RASGRF1: variants seen among roughly 807,000 people sequenced by gnomAD.
The protein encoded by RASGRF1 is ras-specific guanine nucleotide-releasing factor 1.
RASGRF1 carries 40 observed loss-of-function variants against 138.7 expected under a neutral mutation model. The observed-to-expected ratio is 0.29, with a 90% CI of 0.22 to 0.38. RASGRF1 has a LOEUF of 0.38. Among genes scored for constraint, RASGRF1 ranks in the 10% least tolerant of loss-of-function variants. The pLI is 1.00. For missense variants in RASGRF1, 1,108 were observed against 1,650.4 expected, an observed-to-expected ratio of 0.67 and a Z score of 5.69; for synonymous variants, 614 against 663.2, an observed-to-expected ratio of 0.93 and a Z score of 1.14.
At chr15:78,999,173 C>T (rs1244162406) in intron 17 of RASGRF1, among the ~76,000 whole-genome samples, 4 of 152,102 alleles carry the variant, frequency 2.6e-5, no homozygotes, top group Non-Finnish European at 5.9e-5. Flanking sequence ...ATCAAGGATG[C>T]AGAAGTGGGA....
At chr15:79,071,647 GT>G (rs2057757627) in intron 1 of RASGRF1, among the ~76,000 whole-genome samples, 1 of 151,924 alleles carries the variant, frequency 6.6e-6, no homozygotes, top group Non-Finnish European at 1.5e-5. Context: ...TGGGATCATA[GT>G]TGTGAGCCAC....
intron 1 of RASGRF1, among the ~76,000 whole-genome samples, chr15:79,078,291 G>A (rs1164666216): frequency 1.3e-5 from 2 of 151,780 alleles, no homozygotes; most frequent in Non-Finnish European, 2.9e-5. Flanking sequence ...CTCCTTCCCA[G>A]GGGAAGTCAC....
chr15:79,046,818 G>A lies in RASGRF1; in HGVS notation c.806C>T (p.Pro269Leu), dbSNP rs373813210. Residue 269 changes from proline (P) to leucine (L), a missense_variant, in exon 5 of 27, where the codon CCG becomes CTG. Around this residue, in one of 3 missense-constraint regions of RASGRF1, gnomAD observed 169 missense variants for 344.2 expected, o/e 0.49. Transcript: ENST00000558480. The surrounding 1 kb of genome is among the most constrained non-coding windows in gnomAD (Gnocchi z 5.3). ...LHILVNNFLRPLRMAASSKKP... is the reference protein window; with the variant it reads ...LHILVNNFLRLLRMAASSKKP... ...CTTGGAGCTGGCGGCCATCCGCAGC[G>A]GGCGCAGGAAATTGTTGACAAGGAT... 9 of 1,614,142 alleles carry A rather than the reference G, an allele frequency of 5.6e-6. No individual in the cohort carries two copies. The highest frequency in any genetic ancestry group is 1.1e-5 in the South Asian group (1 of 91,092).
rs371434850 is a variant in RASGRF1, at chr15:79,041,394, C to G, written c.878+5352G>C. Among the ~76,000 whole-genome samples, 24 of 152,332 alleles carry G rather than the reference C, an allele frequency of 1.6e-4. No homozygotes were observed. In the South Asian group the frequency reaches 1.9e-3, roughly 12 times the overall value. The stretch of plus-strand genomic sequence containing the variant: ...TGTAATCTATGGCCTTGTCCCCATT[C>G]ATATTGAACAGTTAATATAGTGAGA... On this transcript the variant is annotated intron_variant, in intron 5 of 26. Coordinates refer to ENST00000558480, the MANE Select transcript of RASGRF1 (RefSeq NM_001145648.3).
chr15:78,985,406 A>G, intron 22 of RASGRF1: 1 of 526,124 alleles, frequency 1.9e-6, no homozygotes, highest in Non-Finnish European at 3.3e-6. Context: ...TACATTAGCA[A>G]TAATCAATTA....
intron 22 of RASGRF1, among the ~76,000 whole-genome samples, chr15:78,988,039 A>G (rs746115588): frequency 2.6e-5 from 4 of 152,242 alleles, no homozygotes; most frequent in Admixed American, 1.3e-4. Context: ...GCCAGCACAC[A>G]TCCTGTGTAT....
intron 21 of RASGRF1, 129 bp from the exon 22 acceptor site, chr15:78,990,402 G>C: frequency 1.5e-6 from 1 of 660,924 alleles, no homozygotes; most frequent in Non-Finnish European, 2.6e-6. Flanking sequence ...ACCTTCTGCA[G>C]AGCCCTGGAA....
At chr15:79,041,195 A>G (rs922081226) in intron 5 of RASGRF1, among the ~76,000 whole-genome samples, 25 of 152,252 alleles carry the variant, frequency 1.6e-4, no homozygotes, top group African/African-American at 6.0e-4. Context: ...TTATTGTAAT[A>G]TAGCCACACT....
intron 1 of RASGRF1, 135 bp downstream of exon 1, chr15:79,090,088 C>T: frequency 7.8e-7 from 1 of 1,274,314 alleles, no homozygotes; most frequent in South Asian, 1.6e-5. Context: ...TCCCCTCTCG[C>T]TGAGGGTGCA....
chr15:78,980,743 T>TGTGTTA, intron 23 of RASGRF1, 44 bp from the exon 24 acceptor site: 2 of 1,465,244 alleles, frequency 1.4e-6, no homozygotes, highest in Non-Finnish European at 1.9e-6. Flanking sequence ...GCACACGCTG[T>TGTGTTA]GATCCCCGAG....
chr15:78,995,892 C>A (rs962957185), intron 19 of RASGRF1, 92 bp from the exon 20 acceptor site: 10 of 1,238,148 alleles, frequency 8.1e-6, no homozygotes, highest in African/African-American at 3.0e-5. Context: ...TCTGCTCTTA[C>A]GCCCCTCTGT....
rs2057350201 is a variant in RASGRF1, at chr15:79,046,022, T to C, written c.878+724A>G. 6.6e-6 allele frequency among the ~76,000 whole-genome samples: 1 copy of C among 152,204 alleles called. No homozygotes were observed. The highest frequency in any genetic ancestry group is 6.5e-5 in the Admixed American group (1 of 15,288). ...ACAATTTTATCACCAACCAGAAAGC[T>C]CATTTAAACCATTTCCTTTTAAAAA... On this transcript the variant is annotated intron_variant, in intron 5 of 26. Transcript: ENST00000558480. The surrounding 1 kb of genome is among the most constrained non-coding windows in gnomAD (Gnocchi z 5.3).
chr15:79,019,002 T>G (rs1423093509), intron 11 of RASGRF1, among the ~76,000 whole-genome samples: 2 of 152,148 alleles, frequency 1.3e-5, no homozygotes, highest in Non-Finnish European at 2.9e-5. Flanking sequence ...TTGGCCCTTA[T>G]TGGAAGGGCA....
intron 3 of RASGRF1, among the ~76,000 whole-genome samples, chr15:79,049,886 G>C (rs1000644955): frequency 6.6e-6 from 1 of 152,182 alleles, no homozygotes; most frequent in Non-Finnish European, 1.5e-5. Context: ...CGGGGCTGTA[G>C]CCACCTCATT....
chr15:79,003,797 C>T lies in RASGRF1; in HGVS notation c.2449+5G>A. ...GGGGGCAGCTCCGACGGCATGGCCA[C>T]TCACTCTGCTTGCTGAGCGCTGAAG... On this transcript the variant is annotated splice_donor_5th_base_variant and intron_variant, in intron 15 of 26. Coordinates refer to ENST00000558480, the MANE Select transcript of RASGRF1 (RefSeq NM_001145648.3). 6.3e-7 allele frequency: 1 copy of T among 1,581,714 alleles called. No individual in the cohort carries two copies.
chr15:78,972,452 G>A (rs1391236271), intron 25 of RASGRF1, among the ~76,000 whole-genome samples: 1 of 149,826 alleles, frequency 6.7e-6, no homozygotes, highest in Non-Finnish European at 1.5e-5. Flanking sequence ...GACTTGTCAA[G>A]ACTCTATAGG....
intron 9 of RASGRF1, among the ~76,000 whole-genome samples, chr15:79,025,710 C>T (rs1199956899): frequency 6.6e-6 from 1 of 152,126 alleles, no homozygotes; most frequent in African/African-American, 2.4e-5. Context: ...CAGCCAGGGG[C>T]TAGGGGCTAA....
chr15:79,027,664 G>A lies in RASGRF1; in HGVS notation c.1381+77C>T, dbSNP rs544811179. ...TGTGGCAGCCAAACCAACTGGTGGC[G>A]TCCCCGAGTGCCGCCTCCCTCCCGC... is the stretch of plus-strand genomic sequence containing the variant. On this transcript the variant is annotated intron_variant, in intron 9 of 26. Transcript: ENST00000558480. This position sits in a 1 kb window ranked among gnomAD's most constrained non-coding sequence, Gnocchi z 4.8. The A allele has an allele frequency of 1.3e-3, 1,732 of 1,354,416 alleles. 6 individuals are homozygous for A. Among genetic ancestry groups the A allele is most frequent in the South Asian group, 3.9e-3 (319 of 81,748 alleles). 83.9% of individuals were successfully genotyped at this position (1,354,416 alleles called of 1,614,324 possible).
intron 20 of RASGRF1, among the ~76,000 whole-genome samples, chr15:78,992,100 G>A (rs2056282314): frequency 6.6e-6 from 1 of 152,250 alleles, no homozygotes; most frequent in African/African-American, 2.4e-5. Context: ...GCTTCCAGAG[G>A]TGAGCCACTG....
Sources: gnomAD v4.1 joint callset for allele counts (sites outside exome capture counted in the v4.1 genomes callset) on GRCh38, gnomAD v4.1.1 for gene constraint, gnomAD v4.1.1 regional missense constraint, Gnocchi (gnomAD v3.1) non-coding constraint, MANE v1.5 for transcripts, NCBI Gene and HGNC (gene_info 2026-07-23, HGNC 2026-07-21) for gene names.